Variants in DMD observed in about 807,000 individuals in gnomAD.
DMD encodes the protein dystrophin.
A neutral mutation model predicts 330.1 loss-of-function variants in DMD; 63 were observed. That is an observed-to-expected ratio of 0.19 (90% confidence interval 0.16 to 0.24). The LOEUF is 0.24. Ranked by LOEUF, DMD falls within the 10% of genes least tolerant of loss-of-function variation. The pLI is 1.00. For missense variants in DMD, 3,344 were observed against 2,684.1 expected, an observed-to-expected ratio of 1.25 and a Z score of -5.43; for synonymous variants, 1,223 against 959.8, an observed-to-expected ratio of 1.27 and a Z score of -5.07.
intron 50 of DMD, among the ~76,000 whole-genome samples, chrX:31,799,321 G>A (rs925524558): frequency 9.0e-6 from 1 of 111,662 alleles, no homozygotes; most frequent in Non-Finnish European, 1.9e-5. Flanking sequence ...CTGCATGGCT[G>A]GGGAGGCCTC....
chrX:33,046,961 G>A (rs927291814), intron 1 of DMD, among the ~76,000 whole-genome samples: 3 of 112,163 alleles, frequency 2.7e-5, no homozygotes, highest in Non-Finnish European at 5.6e-5. Context: ...TCAAGGTAAT[G>A]GCCATAGTCC....
At chrX:33,225,357 G>A (rs1361127301) in intron 1 of DMD, among the ~76,000 whole-genome samples, 1 of 111,547 alleles carries the variant, frequency 9.0e-6, no homozygotes, top group Non-Finnish European at 1.9e-5. Flanking sequence ...TTGGTGTTGG[G>A]ATAGACACGC....
intron 41 of DMD, among the ~76,000 whole-genome samples, chrX:32,326,119 C>T (rs754501899): frequency 1.9e-4 from 21 of 111,768 alleles, no homozygotes; most frequent in Non-Finnish European, 3.9e-4. Context: ...TATTTCCATG[C>T]CCTTAACTTG....
intron 7 of DMD, among the ~76,000 whole-genome samples, chrX:32,758,556 T>C (rs1005080078): frequency 1.8e-5 from 2 of 111,428 alleles, no homozygotes; most frequent in Non-Finnish European, 1.9e-5. Context: ...GATCCATTGT[T>C]ATTCAACGAC....
At chrX:33,209,516 C>G (rs1475332841) in intron 1 of DMD, among the ~76,000 whole-genome samples, 1 of 111,753 alleles carries the variant, frequency 8.9e-6, no homozygotes, top group Non-Finnish European at 1.9e-5. Context: ...TAAAGGGTAA[C>G]TGTTTTGGTT....
At chrX:33,322,598 T>C (rs774527643) in intron 1 of DMD, among the ~76,000 whole-genome samples, 2 of 111,738 alleles carry the variant, frequency 1.8e-5, no homozygotes, top group Non-Finnish European at 3.8e-5. Context: ...AGAAATCATT[T>C]CTGATTAATC....
chrX:32,380,720 T>A (rs202099645), intron 33 of DMD, 40 bp from the exon 34 acceptor site: 58 of 1,136,822 alleles, frequency 5.1e-5, no homozygotes, highest in Non-Finnish European at 6.8e-5. Flanking sequence ...AGTTTACTCT[T>A]TAATTCAAAT....
rs138210631 is a variant in DMD at position 32,367,274 on chromosome X, G to A, written c.4846-2075C>T. ...GTTACTAGGCTCTGTGGGATAAAACGGTAGAGAAGTCCCCATCCTTCAAAA... is the reference window on the plus strand; with the variant it reads ...GTTACTAGGCTCTGTGGGATAAAACAGTAGAGAAGTCCCCATCCTTCAAAA... On this transcript the variant is annotated intron_variant, in intron 34 of 78. Coordinates refer to ENST00000357033, the MANE Select transcript of DMD (RefSeq NM_004006.3). 4.0e-3 allele frequency among the ~76,000 whole-genome samples: 446 copies of A among 111,441 alleles called. 1 individual carries two copies. Among genetic ancestry groups the A allele is most frequent in the African/African-American group, 0.014 (420 of 30,697 alleles).
At chrX:32,726,384 G>A (rs888527771) in intron 7 of DMD, among the ~76,000 whole-genome samples, 4 of 111,276 alleles carry the variant, frequency 3.6e-5, no homozygotes, top group African/African-American at 9.8e-5. Flanking sequence ...ATGGCAAATG[G>A]CCTTGTGTCA....
At chrX:32,049,105 C>A (rs1420187438) in intron 44 of DMD, among the ~76,000 whole-genome samples, 3 of 111,381 alleles carry the variant, frequency 2.7e-5, no homozygotes, top group Non-Finnish European at 5.7e-5. Flanking sequence ...TTATCTATAT[C>A]TGGAGAAATA....
chrX:33,025,242 G>A (rs963643874), intron 1 of DMD, among the ~76,000 whole-genome samples: 2 of 112,096 alleles, frequency 1.8e-5, no homozygotes, highest in African/African-American at 6.5e-5. Context: ...GGAGGATAAA[G>A]ATGAATCTCA....
chrX:33,235,379 C>A (rs2052458323), intron 1 of DMD, among the ~76,000 whole-genome samples: 1 of 111,689 alleles, frequency 9.0e-6, no homozygotes, highest in South Asian at 3.8e-4. Flanking sequence ...AAGTATTGAT[C>A]TAAGCAACTC....
intron 48 of DMD, among the ~76,000 whole-genome samples, chrX:31,845,422 T>C (rs916796017): frequency 7.8e-5 from 7 of 89,515 alleles, no homozygotes; most frequent in African/African-American, 3.1e-4. Flanking sequence ...TCTCTCTCTC[T>C]CTCCCTCTCC....
chrX:32,684,689 A>G (rs1464066382), intron 9 of DMD, among the ~76,000 whole-genome samples: 1 of 111,115 alleles, frequency 9.0e-6, no homozygotes, highest in African/African-American at 3.3e-5. Context: ...GATTGTTTAT[A>G]TTATATTTTT....
chrX:32,151,454 C>T (rs1415021081), intron 44 of DMD: 2 of 111,670 alleles, frequency 1.8e-5, no homozygotes, highest in Non-Finnish European at 3.8e-5. Context: ...AAGTGACAAT[C>T]ATCAAGGGAG....
At chrX:32,374,536 C>T (rs2097893625) in intron 34 of DMD, among the ~76,000 whole-genome samples, 1 of 111,462 alleles carries the variant, frequency 9.0e-6, no homozygotes, top group Non-Finnish European at 1.9e-5. Context: ...AGCCAGCTAT[C>T]CTAGCAATAT....
chrX:31,739,821 A>T (rs1201786334), intron 51 of DMD, among the ~76,000 whole-genome samples: 2 of 93,964 alleles, frequency 2.1e-5, no homozygotes, highest in South Asian at 5.5e-4. Flanking sequence ...TAAATAAAAT[A>T]AAAAAAGAGC....
At chrX:31,324,972 C>T (rs190399238) in intron 61 of DMD, among the ~76,000 whole-genome samples, 153 of 112,227 alleles carry the variant, frequency 1.4e-3, no homozygotes, top group East Asian at 0.012. Flanking sequence ...ACCAGACATG[C>T]TGTTTTGTAC....
chrX:31,787,140 A>C (rs755516622), intron 50 of DMD, among the ~76,000 whole-genome samples: 52 of 111,819 alleles, frequency 4.7e-4, no homozygotes, highest in African/African-American at 1.5e-3. Flanking sequence ...TGGGAGGCTG[A>C]GGTGGTAGAA....
Sources: gnomAD v4.1 joint callset for allele counts (sites outside exome capture counted in the v4.1 genomes callset) on GRCh38, gnomAD v4.1.1 for gene constraint, MANE v1.5 for transcripts, NCBI Gene and HGNC (gene_info 2026-07-23, HGNC 2026-07-21) for gene names.